Variants in FMN2 observed in about 807,000 individuals in gnomAD.
FMN2 encodes formin-2.
Under a neutral mutation model 142.3 loss-of-function variants are expected in FMN2, and 51 were observed. The ratio of observed to expected loss-of-function variants is 0.36; its 90% CI spans 0.29 to 0.45. The LOEUF (loss-of-function observed/expected upper bound fraction) is 0.45, where lower values mean the gene tolerates loss of function less well. Ranked by LOEUF, FMN2 falls within the 20% of genes least tolerant of loss-of-function variation. The probability of loss-of-function intolerance (pLI) is 1.00; values close to 1 mark genes in which losing one functional copy is unlikely to be tolerated. For missense variants in FMN2, 1,936 were observed against 2,122.8 expected (o/e 0.91, Z 1.73); for synonymous variants, 882 against 869.8 (o/e 1.01, Z -0.25).
At chr1:240,320,851 G>T (rs1406992434) in intron 8 of FMN2, among the ~76,000 whole-genome samples, 1 of 152,202 alleles carries the variant, frequency 6.6e-6, no homozygotes, top group African/African-American at 2.4e-5. Context: ...AAACAGCTGT[G>T]CTGATTAAGC....
At chr1:240,159,951 C>A (rs201331246) in intron 2 of FMN2, among the ~76,000 whole-genome samples, 977 of 48,012 alleles carry the variant, frequency 0.02, 14 homozygotes, top group Middle Eastern at 0.038. Context: ...ATATATATAT[C>A]TATATCTGTG....
chr1:240,383,699 A>G (rs2103085086), intron 14 of FMN2, among the ~76,000 whole-genome samples: 1 of 152,242 alleles, frequency 6.6e-6, no homozygotes, highest in East Asian at 1.9e-4. Flanking sequence ...AAGAACTAAA[A>G]GGAGAACTAC....
intron 2 of FMN2, among the ~76,000 whole-genome samples, chr1:240,125,492 G>C (rs1662458027): frequency 6.6e-6 from 1 of 152,170 alleles, no homozygotes; most frequent in African/African-American, 2.4e-5. Flanking sequence ...TGTGTTAAAT[G>C]TTATAGAGCT....
intron 3 of FMN2, among the ~76,000 whole-genome samples, chr1:240,185,001 C>CCTTCCCCTTCTCTTTCTCCCTCCTATAA (rs1665354840): frequency 7.4e-6 from 1 of 134,350 alleles, no homozygotes; most frequent in African/African-American, 2.6e-5. Flanking sequence ...CCCTCCTATA[C>CCTTCCCCTTCTCTTTCTCCCTCCTATAA]CTTCCCCTTC....
chr1:240,329,079 GCA>G lies in FMN2; in HGVS notation c.4222_4223del (p.Gln1408ValfsTer27). On this transcript the variant is annotated frameshift_variant, in exon 9 of 18. Transcript: ENST00000319653. LOFTEE classifies it high-confidence loss of function. Reference sequence around the variant, plus strand: ...TATTTGGTTTTTGTTTTTCTAGAGAGCACAGTCAGACGAACTCGAAAAAATAG... The same window carrying G: ...TATTTGGTTTTTGTTTTTCTAGAGAGCAGTCAGACGAACTCGAAAAAATAG... ...ETLQALYENR[A>X]QSDELEKIEK... 6.2e-7 allele frequency: 1 copy of G among 1,613,928 alleles called. No individual in the cohort carries two copies. The highest frequency in any genetic ancestry group is 8.5e-7 in the Non-Finnish European group (1 of 1,179,928).
At chr1:240,174,812 A>C (rs1664850972) in intron 2 of FMN2, among the ~76,000 whole-genome samples, 1 of 152,200 alleles carries the variant, frequency 6.6e-6, no homozygotes. Context: ...AAAATTATTA[A>C]AAAAATTTTA....
At chr1:240,136,492 T>C (rs1283745708) in intron 2 of FMN2, among the ~76,000 whole-genome samples, 1 of 152,216 alleles carries the variant, frequency 6.6e-6, no homozygotes, top group East Asian at 1.9e-4. Flanking sequence ...GATTGTTTTT[T>C]CCTCCTTTAA....
At position 240,184,236 on chromosome 1, in the gene FMN2, CTTTT is replaced by C. The variant is rs34050336; in HGVS notation, c.1931-3950_1931-3947del. 8.1e-3 allele frequency among the ~76,000 whole-genome samples: 640 copies of C among 79,400 alleles called. 4 individuals carry two copies. Among genetic ancestry groups the C allele is most frequent in the African/African-American group, 0.029 (588 of 19,968 alleles). 52.1% of individuals were successfully genotyped at this position (79,400 alleles called of 152,430 possible). A position where few individuals can be genotyped will look rare whatever the true frequency, so the allele number is the denominator to read the frequency against. On this transcript the variant is annotated intron_variant, in intron 3 of 17. Coordinates refer to ENST00000319653, the MANE Select transcript of FMN2 (RefSeq NM_020066.5). ...AACTTTTTAAAATGGAATATTTAAC[CTTTT>C]TTTTTTTTTTTTTTTTTTTTGAGAC...
At chr1:240,233,725 C>A (rs987044226) in intron 6 of FMN2, among the ~76,000 whole-genome samples, 1 of 152,138 alleles carries the variant, frequency 6.6e-6, no homozygotes, top group Non-Finnish European at 1.5e-5. Context: ...AATAGGACCA[C>A]CTCATTAATT....
intron 15 of FMN2, among the ~76,000 whole-genome samples, chr1:240,429,728 A>G (rs1255267094): frequency 6.6e-6 from 1 of 152,032 alleles, no homozygotes; most frequent in Non-Finnish European, 1.5e-5. Context: ...CTTCATATTG[A>G]TATATCAGCA....
intron 15 of FMN2, among the ~76,000 whole-genome samples, chr1:240,422,605 C>A (rs1674810927): frequency 6.6e-6 from 1 of 152,108 alleles, no homozygotes; most frequent in African/African-American, 2.4e-5. Context: ...TGTCCTGCAA[C>A]CTTGCTATAT....
intron 8 of FMN2, among the ~76,000 whole-genome samples, chr1:240,316,696 T>G (rs1670792695): frequency 6.6e-6 from 1 of 152,144 alleles, no homozygotes; most frequent in Admixed American, 6.5e-5. Flanking sequence ...GGGGACAAAA[T>G]AGAACGGATG....
chr1:240,451,203 T>G (rs954997237), intron 16 of FMN2, among the ~76,000 whole-genome samples: 10 of 151,962 alleles, frequency 6.6e-5, no homozygotes, highest in African/African-American at 2.4e-4. Context: ...CTGTCTCTAC[T>G]AAAAATACAA....
chr1:240,452,258 T>C (rs182464634), intron 16 of FMN2, among the ~76,000 whole-genome samples: 2 of 152,292 alleles, frequency 1.3e-5, no homozygotes, highest in Admixed American at 1.3e-4. Context: ...ATATATTGAA[T>C]ATTCATGACT....
chr1:240,296,492 C>G (rs1252975213), intron 8 of FMN2, among the ~76,000 whole-genome samples: 1 of 107,998 alleles, frequency 9.3e-6, no homozygotes, highest in Non-Finnish European at 1.8e-5. Flanking sequence ...CTTTGATCTG[C>G]CTGGTATTTA....
At chr1:240,313,223 C>G (rs1037780777) in intron 8 of FMN2, among the ~76,000 whole-genome samples, 5 of 152,200 alleles carry the variant, frequency 3.3e-5, no homozygotes, top group African/African-American at 1.2e-4. Context: ...TCTACCCATC[C>G]GATGCTTCCT....
chr1:240,391,654 G>A (rs1258977719), intron 14 of FMN2, among the ~76,000 whole-genome samples: 3 of 152,008 alleles, frequency 2.0e-5, no homozygotes, highest in Non-Finnish European at 4.4e-5. Flanking sequence ...CAGTTTAGCA[G>A]GTCCCAACTA....
At chr1:240,354,347 A>G (rs2103044445) in intron 13 of FMN2, among the ~76,000 whole-genome samples, 1 of 152,320 alleles carries the variant, frequency 6.6e-6, no homozygotes, top group South Asian at 2.1e-4. Context: ...GGGGTTGAGA[A>G]TAAGTCTCCT....
At chr1:240,143,051 G>A in intron 2 of FMN2, 2 of 1,496,368 alleles carry the variant, frequency 1.3e-6, no homozygotes, top group East Asian at 4.5e-5. Flanking sequence ...AGTCACTGTG[G>A]TAGGGGCAGA....
Sources: allele counts gnomAD v4.1 joint callset (sites outside exome capture counted in the v4.1 genomes callset), GRCh38; gene constraint gnomAD v4.1.1; transcripts MANE v1.5; gene names NCBI Gene and HGNC (gene_info 2026-07-23, HGNC 2026-07-21).